The following ADD3 variants were observed in gnomAD, a reference collection of about 807,000 sequenced individuals.
ADD3 encodes the protein adducin 3.
Under a neutral mutation model 80.2 loss-of-function variants are expected in ADD3, and 25 were observed. The ratio of observed to expected loss-of-function variants is 0.31; its 90% CI spans 0.23 to 0.44. The LOEUF (loss-of-function observed/expected upper bound fraction) is 0.44, where lower values mean the gene tolerates loss of function less well. Ranked by LOEUF, ADD3 falls within the 20% of genes least tolerant of loss-of-function variation. ADD3 has a pLI of 1.00. For missense variants in ADD3, 829 were observed against 847.5 expected (o/e 0.98, Z 0.27); for synonymous variants, 284 against 289.6 (o/e 0.98, Z 0.20).
At chr10:110,012,527 C>T (rs975844188) in intron 1 of ADD3, among the ~76,000 whole-genome samples, 3 of 152,152 alleles carry the variant, frequency 2.0e-5, no homozygotes, top group African/African-American at 7.2e-5. Context: ...TTTAGAGTAT[C>T]CTAGAAACCT....
At position 110,070,943 on chromosome 10, in the gene ADD3, G is replaced by A. The variant is rs12256252; in HGVS notation, c.-29-29682G>A. ...GTAGGCCTACAAACACATCATGTGGGTTTTTTTTTTTGTTTGTTTTTAGTT... is the reference window on the plus strand; with the variant it reads ...GTAGGCCTACAAACACATCATGTGGATTTTTTTTTTTGTTTGTTTTTAGTT... On this transcript the variant is annotated intron_variant, in intron 1 of 14. Transcript: ENST00000356080. Among the ~76,000 whole-genome samples the A allele has an allele frequency of 2.9e-5, 3 of 103,406 alleles. No individual in the cohort carries two copies. The South Asian group carries it at 9.1e-4, about 31-fold the overall frequency. The allele number at this position is 103,406 out of a possible 152,430, so 67.8% of individuals were successfully genotyped here. A position where few individuals can be genotyped will look rare whatever the true frequency, so the allele number is the denominator to read the frequency against.
upstream of ADD3, among the ~76,000 whole-genome samples, chr10:110,006,478 A>G (rs1385532388): frequency 6.6e-6 from 1 of 152,210 alleles, no homozygotes; most frequent in Non-Finnish European, 1.5e-5. Flanking sequence ...AATACCAAAT[A>G]AAATGTCAGG....
At chr10:110,100,061 C>G (rs749498589) in intron 1 of ADD3, among the ~76,000 whole-genome samples, 26 of 151,610 alleles carry the variant, frequency 1.7e-4, no homozygotes, top group Non-Finnish European at 3.0e-5. Flanking sequence ...AGGATCACTT[C>G]AGCCCAGCTG....
intron 1 of ADD3, among the ~76,000 whole-genome samples, chr10:110,024,520 C>T (rs1484327307): frequency 1.3e-5 from 2 of 152,058 alleles, no homozygotes; most frequent in African/African-American, 4.8e-5. Context: ...GTTTGTAGCT[C>T]CTTGTAATAA....
intron 13 of ADD3, 85 bp from the exon 14 acceptor site, chr10:110,132,220 A>T: frequency 1.2e-6 from 1 of 838,898 alleles, no homozygotes; most frequent in Non-Finnish European, 2.0e-6. Context: ...GTATACAGGC[A>T]TTTGATGTAT....
chr10:109,997,162 G>A (rs749831856), intron 1 of ADD3, among the ~76,000 whole-genome samples: 133 of 152,156 alleles, frequency 8.7e-4, no homozygotes, highest in East Asian at 7.7e-4. Flanking sequence ...TGAGGTCTTC[G>A]TAGCAGTATC....
chr10:110,015,114 T>G (rs1246784974), intron 1 of ADD3, among the ~76,000 whole-genome samples: 1 of 152,148 alleles, frequency 6.6e-6, no homozygotes, highest in Non-Finnish European at 1.5e-5. Flanking sequence ...TTAAGGTGAA[T>G]TCTATCTGAT....
chr10:110,050,431 T>A (rs902556886), intron 1 of ADD3, among the ~76,000 whole-genome samples: 1 of 151,986 alleles, frequency 6.6e-6, no homozygotes, highest in African/African-American at 2.4e-5. Flanking sequence ...TGCCACCATA[T>A]AAGACATGTC....
intron 1 of ADD3, among the ~76,000 whole-genome samples, chr10:110,074,731 A>G (rs1845188805): frequency 6.6e-6 from 1 of 152,246 alleles, no homozygotes; most frequent in African/African-American, 2.4e-5. Flanking sequence ...ACATTTTACA[A>G]AATTTAAATG....
chr10:110,069,531 T>G (rs1844408321), intron 1 of ADD3, among the ~76,000 whole-genome samples: 1 of 152,150 alleles, frequency 6.6e-6, no homozygotes, highest in Admixed American at 6.6e-5. Flanking sequence ...CAAAACATAA[T>G]GCTTATTAGT....
chr10:110,019,453 C>A (rs935341188), intron 1 of ADD3, among the ~76,000 whole-genome samples: 1 of 151,168 alleles, frequency 6.6e-6, no homozygotes, highest in Non-Finnish European at 1.5e-5. Flanking sequence ...CTCCTGGGTT[C>A]ACTCCATTCT....
chr10:110,033,802 A>C (rs1855326076), intron 1 of ADD3, among the ~76,000 whole-genome samples: 1 of 152,148 alleles, frequency 6.6e-6, no homozygotes, highest in South Asian at 2.1e-4. Context: ...TCTATTTTGA[A>C]TCTCTGGGAC....
At chr10:110,066,747 A>G (rs1420244594) in intron 1 of ADD3, among the ~76,000 whole-genome samples, 1 of 152,158 alleles carries the variant, frequency 6.6e-6, no homozygotes, top group Admixed American at 6.5e-5. Flanking sequence ...GTTGTTGACT[A>G]TGACTCTGAA....
Position 110,133,596 on chromosome 10 carries a change from A to G in ADD3, c.2099A>G (p.Lys700Arg). 1 of 1,588,716 alleles carries G rather than the reference A, an allele frequency of 6.3e-7. No individual in the cohort carries two copies. Residue 700 changes from lysine (K) to arginine (R), a missense_variant, in exon 15 of 15, where the codon AAA (lysine) becomes AGA (arginine). Physicochemically the swap from Lys to Arg is conservative, Grantham distance 26 (BLOSUM62 2). Transcript: ENST00000356080. The part of the protein sequence containing the change: ...RTPSFLKKNK[K>R]KEKVEA ...CCTTCTTTTCTGAAAAAGAACAAAA[A>G]AAAGGAGAAAGTTGAGGCCTAAATA...
At chr10:110,117,469 T>C (rs533163119) in intron 5 of ADD3, 47 bp downstream of exon 5, 1 of 1,162,964 alleles carries the variant, frequency 8.6e-7, no homozygotes, top group African/African-American at 1.5e-5. Context: ...TTTCTTTGGC[T>C]TTTCTGACAG....
At chr10:110,000,980 C>T (rs141055747), upstream of ADD3, among the ~76,000 whole-genome samples, 692 of 152,302 alleles carry the variant, frequency 4.5e-3, 11 homozygotes, top group African/African-American at 0.015. Context: ...AAGAATAATG[C>T]ACCTGGAAAC....
chr10:110,080,156 C>CT, intron 1 of ADD3, among the ~76,000 whole-genome samples: 1 of 152,144 alleles, frequency 6.6e-6, no homozygotes, highest in Non-Finnish European at 1.5e-5. Context: ...TGGGTAAGAA[C>CT]TGCCCCAGGA....
chr10:110,038,485 C>G (rs1220424668), intron 1 of ADD3, among the ~76,000 whole-genome samples: 1 of 152,122 alleles, frequency 6.6e-6, no homozygotes, highest in Non-Finnish European at 1.5e-5. Flanking sequence ...AACATTTGTC[C>G]TTAATCATTA....
chr10:110,088,396 A>G (rs1453862428), intron 1 of ADD3, among the ~76,000 whole-genome samples: 2 of 152,216 alleles, frequency 1.3e-5, no homozygotes, highest in South Asian at 2.1e-4. Flanking sequence ...CCATCAACCA[A>G]TTGCTAAAGT....
Sources: gnomAD v4.1 joint callset for allele counts (sites outside exome capture counted in the v4.1 genomes callset) on GRCh38, gnomAD v4.1.1 for gene constraint, MANE v1.5 for transcripts, NCBI Gene and HGNC (gene_info 2026-07-23, HGNC 2026-07-21) for gene names.